The following MTA3 variants were observed in gnomAD, a reference collection of about 807,000 sequenced individuals.
The protein encoded by MTA3 is metastasis-associated protein MTA3.
A neutral mutation model predicts 83.5 loss-of-function variants in MTA3; 34 were observed. That is an observed-to-expected ratio of 0.41 (90% CI 0.31 to 0.54). The LOEUF (loss-of-function observed/expected upper bound fraction) is 0.54. Among genes scored for constraint, MTA3 ranks in the 20% least tolerant of loss-of-function variants. The probability of loss-of-function intolerance (pLI) is 0.33; values close to 1 mark genes in which losing one functional copy is unlikely to be tolerated. For synonymous variants in MTA3, 303 were observed against 252.7 expected (o/e 1.20, Z -1.89); for missense variants, 761 against 726.4 (o/e 1.05, Z -0.55).
At chr2:42,707,817 G>T (rs929332831) in intron 12 of MTA3, 86 bp from the exon 13 acceptor site, 1 of 1,321,818 alleles carries the variant, frequency 7.6e-7, no homozygotes, top group Admixed American at 2.6e-5. Context: ...AGCATGACAA[G>T]TATTTTTAAA....
intron 14 of MTA3, among the ~76,000 whole-genome samples, chr2:42,710,620 A>G (rs1666527246): frequency 6.6e-6 from 1 of 151,306 alleles, no homozygotes; most frequent in Non-Finnish European, 1.5e-5. Flanking sequence ...GGATTACTAT[A>G]TTAGATTCAT....
chr2:42,619,955 G>A (rs1573326219), intron 4 of MTA3, among the ~76,000 whole-genome samples: 2 of 152,068 alleles, frequency 1.3e-5, no homozygotes, highest in African/African-American at 4.8e-5. Context: ...AATGTTCTTG[G>A]CAAAGTAGTA....
intron 8 of MTA3, 145 bp from the exon 9 acceptor site, chr2:42,682,252 ATTAT>A (rs1692001455): frequency 1.7e-6 from 1 of 572,120 alleles, no homozygotes; most frequent in Non-Finnish European, 2.8e-6. Flanking sequence ...ATCTTAAATA[ATTAT>A]TTAGTAATCT....
At position 42,685,092 on chromosome 2, in the gene MTA3, T is replaced by C. The variant is rs1692246091; in HGVS notation, c.891+2503T>C. 1.3e-5 allele frequency among the ~76,000 whole-genome samples: 2 copies of C among 152,194 alleles called. 1 individual carries two copies. The highest frequency in any genetic ancestry group is 4.1e-4 in the South Asian group (2 of 4,830). Reference sequence around the variant, plus strand: ...TGAGGTGTGAAACTTACAGCACTCCTAGGCACTTAACACAGGACTAGAAGA... The same window carrying C: ...TGAGGTGTGAAACTTACAGCACTCCCAGGCACTTAACACAGGACTAGAAGA... On this transcript the variant is annotated intron_variant, in intron 9 of 16. Coordinates refer to ENST00000405094, the MANE Select transcript of MTA3 (RefSeq NM_001330442.2).
intron 2 of MTA3, among the ~76,000 whole-genome samples, chr2:42,536,055 G>C (rs1176617042): frequency 6.6e-6 from 1 of 151,952 alleles, no homozygotes; most frequent in Non-Finnish European, 1.5e-5. Context: ...GGGAGTTCGA[G>C]GCTGCAGTAA....
At chr2:42,731,521 A>G (rs957719939) in intron 16 of MTA3, among the ~76,000 whole-genome samples, 1 of 152,220 alleles carries the variant, frequency 6.6e-6, no homozygotes, top group African/African-American at 2.4e-5. Context: ...TAATAAACCC[A>G]TCAGATCTCG....
At chr2:42,602,257 G>A (rs1219502586) in intron 3 of MTA3, among the ~76,000 whole-genome samples, 1 of 152,188 alleles carries the variant, frequency 6.6e-6, no homozygotes, top group Non-Finnish European at 1.5e-5. Context: ...GATTACAGGC[G>A]TGAGCCACCA....
intron 2 of MTA3, among the ~76,000 whole-genome samples, chr2:42,515,827 G>A (rs1001588843): frequency 1.4e-5 from 2 of 143,310 alleles, no homozygotes; most frequent in Admixed American, 1.4e-4. Context: ...ATTTTATTTT[G>A]TTTTATTTTA....
At chr2:42,558,587 A>T (rs1457705741) in intron 2 of MTA3, among the ~76,000 whole-genome samples, 1 of 135,464 alleles carries the variant, frequency 7.4e-6, no homozygotes, top group Non-Finnish European at 1.6e-5. Flanking sequence ...ACAGAGTCTC[A>T]CTCTCTCACC....
intron 2 of MTA3, among the ~76,000 whole-genome samples, chr2:42,552,506 C>G (rs999294115): frequency 1.3e-5 from 2 of 151,772 alleles, no homozygotes; most frequent in Non-Finnish European, 2.9e-5. Flanking sequence ...GTAAGTAATC[C>G]CAACACTTTG....
chr2:42,584,930 A>C (rs1324952773), intron 3 of MTA3, among the ~76,000 whole-genome samples: 1 of 151,528 alleles, frequency 6.6e-6, no homozygotes, highest in East Asian at 1.9e-4. Context: ...TCCAGAAGCC[A>C]TAAGATTTTT....
intron 4 of MTA3, among the ~76,000 whole-genome samples, chr2:42,612,875 TAA>T (rs1261931366): frequency 1.3e-5 from 2 of 151,910 alleles, no homozygotes; most frequent in East Asian, 3.9e-4. Flanking sequence ...AATAAATAAA[TAA>T]ATAAATAATG....
chr2:42,535,384 CA>C (rs1175687234), intron 2 of MTA3, among the ~76,000 whole-genome samples: 6 of 145,010 alleles, frequency 4.1e-5, no homozygotes, highest in Admixed American at 6.9e-5. Flanking sequence ...AAGACTTTGT[CA>C]AAAAAAAAAC....
chr2:42,700,642 C>T (rs1433700466), intron 11 of MTA3, among the ~76,000 whole-genome samples: 3 of 152,104 alleles, frequency 2.0e-5, no homozygotes, highest in African/African-American at 7.2e-5. Context: ...TCTGGCCAGT[C>T]ATTTGACCCC....
chr2:42,514,439 G>A (rs972298028), intron 2 of MTA3, among the ~76,000 whole-genome samples: 1 of 151,512 alleles, frequency 6.6e-6, no homozygotes. Flanking sequence ...TGGAGTGCAG[G>A]GGCACTGTCT....
At chr2:42,692,751 A>G (rs1316760402) in intron 9 of MTA3, among the ~76,000 whole-genome samples, 1 of 152,152 alleles carries the variant, frequency 6.6e-6, no homozygotes, top group African/African-American at 2.4e-5. Flanking sequence ...CTCTGTCTGA[A>G]AGGTCACATG....
intron 2 of MTA3, among the ~76,000 whole-genome samples, chr2:42,577,696 G>A (rs1480178636): frequency 2.6e-5 from 4 of 152,172 alleles, no homozygotes; most frequent in Non-Finnish European, 4.4e-5. Flanking sequence ...GGCCAGGCTG[G>A]TCTAGAACTC....
chr2:42,709,058 C>T lies in MTA3; in HGVS notation c.1487C>T (p.Pro496Leu). Reference protein sequence around the residue: ...TLRLRQAARRPFVAINYAAIR... With the variant: ...TLRLRQAARRLFVAINYAAIR... ...CGGCTGCGGCAGGCAGCAAGACGGC[C>T]GTTTGTTGCTATTAATTATGCTGCC... Residue 496 changes from proline to leucine, a missense_variant, in exon 14 of 17, where the codon CCG (proline) becomes CTG (leucine). Coordinates refer to ENST00000405094, the MANE Select transcript of MTA3 (RefSeq NM_001330442.2). The T allele has an allele frequency of 1.9e-6, 3 of 1,611,960 alleles. No homozygotes were observed. The highest frequency in any genetic ancestry group is 2.5e-6 in the Non-Finnish European group (3 of 1,178,912).
intron 2 of MTA3, among the ~76,000 whole-genome samples, chr2:42,527,027 C>A (rs1675740418): frequency 8.3e-6 from 1 of 119,990 alleles, no homozygotes; most frequent in Admixed American, 1.0e-4. Flanking sequence ...GCACTCCAGC[C>A]TGATAACAAA....
Sources: gnomAD v4.1 joint callset for allele counts (sites outside exome capture counted in the v4.1 genomes callset) on GRCh38, gnomAD v4.1.1 for gene constraint, MANE v1.5 for transcripts, NCBI Gene and HGNC (gene_info 2026-07-23, HGNC 2026-07-21) for gene names.